SLC17A6: variants seen among roughly 807,000 people sequenced by gnomAD.
SLC17A6 encodes vesicular glutamate transporter 2.
SLC17A6 carries 35 observed loss-of-function variants against 67.1 expected under a neutral mutation model. The ratio of observed to expected loss-of-function variants is 0.52; its 90% CI spans 0.40 to 0.69. The LOEUF (loss-of-function observed/expected upper bound fraction) is 0.69, where lower values mean the gene tolerates loss of function less well. SLC17A6 is among the 30% of genes least tolerant of loss of function. SLC17A6 has a pLI of 0.00. For synonymous variants in SLC17A6, 285 were observed against 252.3 expected (o/e 1.13, Z -1.23); for missense variants, 588 against 723.9 (o/e 0.81, Z 2.15).
chr11:22,360,345 G>T (rs1226202305), intron 4 of SLC17A6, among the ~76,000 whole-genome samples: 1 of 151,952 alleles, frequency 6.6e-6, no homozygotes, highest in Admixed American at 6.6e-5. Context: ...AGTGTAGGGA[G>T]AGCATTAGGG....
chr11:22,365,763 C>A, intron 7 of SLC17A6, 74 bp downstream of exon 7: 2 of 1,471,866 alleles, frequency 1.4e-6, no homozygotes, highest in South Asian at 1.4e-5. Context: ...AACTATCTTA[C>A]AAGTTCTTCC....
At chr11:22,354,288 T>C (rs1211328642) in intron 3 of SLC17A6, among the ~76,000 whole-genome samples, 2 of 152,124 alleles carry the variant, frequency 1.3e-5, no homozygotes, top group Admixed American at 6.5e-5. Flanking sequence ...TTCACCATGT[T>C]GGTCGGGCTG....
chr11:22,370,430 A>G (rs766421483), intron 8 of SLC17A6, among the ~76,000 whole-genome samples: 2 of 152,150 alleles, frequency 1.3e-5, no homozygotes, highest in Non-Finnish European at 2.9e-5. Flanking sequence ...TTCTGCCTTC[A>G]TGGAACTTAG....
intron 3 of SLC17A6, among the ~76,000 whole-genome samples, chr11:22,349,670 C>T (rs1240807499): frequency 6.6e-6 from 1 of 152,170 alleles, no homozygotes; most frequent in Non-Finnish European, 1.5e-5. Flanking sequence ...GATGCTCCTA[C>T]TGCCATATGC....
At chr11:22,339,961 C>G (rs1453454670) in intron 1 of SLC17A6, among the ~76,000 whole-genome samples, 2 of 151,814 alleles carry the variant, frequency 1.3e-5, no homozygotes, top group Non-Finnish European at 2.9e-5. Flanking sequence ...AAATAAATTG[C>G]AATGTTTTCT....
chr11:22,339,282 T>A (rs1855785391), intron 1 of SLC17A6, among the ~76,000 whole-genome samples: 1 of 150,434 alleles, frequency 6.6e-6, no homozygotes, highest in South Asian at 2.1e-4. Flanking sequence ...ATGTCTTCTG[T>A]ATTGAATGAA....
intron 3 of SLC17A6, among the ~76,000 whole-genome samples, chr11:22,350,978 A>G (rs753936716): frequency 2.6e-5 from 4 of 152,136 alleles, no homozygotes; most frequent in Non-Finnish European, 5.9e-5. Context: ...ATATTATATA[A>G]AACTTACTTT....
chr11:22,343,925 G>C (rs998084942), intron 3 of SLC17A6, among the ~76,000 whole-genome samples: 2 of 152,100 alleles, frequency 1.3e-5, no homozygotes, highest in African/African-American at 2.4e-5. Flanking sequence ...GGCGTTGGGG[G>C]AGCCCTCAGC....
intron 4 of SLC17A6, among the ~76,000 whole-genome samples, chr11:22,360,110 TAA>T (rs11406721): frequency 1.4e-5 from 2 of 142,310 alleles, no homozygotes; most frequent in Admixed American, 7.1e-5. Flanking sequence ...ATTAAGGCAC[TAA>T]AAAAAAAAAA....
intron 1 of SLC17A6, among the ~76,000 whole-genome samples, chr11:22,339,972 A>G (rs1271306351): frequency 6.6e-6 from 1 of 152,140 alleles, no homozygotes; most frequent in Non-Finnish European, 1.5e-5. Flanking sequence ...AATGTTTTCT[A>G]ACATTGTGAT....
intron 4 of SLC17A6, 110 bp downstream of exon 4, chr11:22,359,637 A>G: frequency 2.0e-6 from 1 of 506,094 alleles, no homozygotes; most frequent in East Asian, 3.5e-5. Flanking sequence ...TTGCATCTAA[A>G]TAGAGTTAAA....
At chr11:22,364,575 A>T (rs1330602179) in intron 6 of SLC17A6, among the ~76,000 whole-genome samples, 1 of 152,136 alleles carries the variant, frequency 6.6e-6, no homozygotes, top group East Asian at 1.9e-4. Flanking sequence ...TGCAATGTTC[A>T]GTAGTTAAAA....
chr11:22,368,634 G>A (rs981354282), intron 7 of SLC17A6, among the ~76,000 whole-genome samples: 2 of 151,884 alleles, frequency 1.3e-5, no homozygotes, highest in Admixed American at 1.3e-4. Context: ...TGCCCAACAG[G>A]GAAAAGTTCT....
chr11:22,365,443 C>A, intron 6 of SLC17A6, 104 bp from the exon 7 acceptor site: 1 of 1,289,496 alleles, frequency 7.8e-7, no homozygotes, highest in Non-Finnish European at 1.1e-6. Flanking sequence ...AGCTTGAATT[C>A]TTCTTTCTAA....
chr11:22,360,110 T>TAAA (rs11406721), intron 4 of SLC17A6, among the ~76,000 whole-genome samples: 17 of 142,314 alleles, frequency 1.2e-4, no homozygotes, highest in Admixed American at 2.8e-4. Context: ...ATTAAGGCAC[T>TAAA]AAAAAAAAAA....
intron 9 of SLC17A6, among the ~76,000 whole-genome samples, chr11:22,375,761 T>G (rs991903692): frequency 2.2e-4 from 33 of 152,194 alleles, no homozygotes; most frequent in African/African-American, 7.0e-4. Flanking sequence ...ATTACAGACA[T>G]GAGCCACCGC....
intron 8 of SLC17A6, 85 bp from the exon 9 acceptor site, chr11:22,374,670 A>G (rs1298454060): frequency 1.8e-6 from 2 of 1,139,798 alleles, no homozygotes; most frequent in Admixed American, 5.2e-5. Context: ...TAAAGATGTG[A>G]TGACAGATTC....
intron 7 of SLC17A6, among the ~76,000 whole-genome samples, chr11:22,368,278 T>G (rs1309657969): frequency 6.6e-6 from 1 of 152,052 alleles, no homozygotes; most frequent in Middle Eastern, 3.4e-3. Flanking sequence ...TCAAATTTAT[T>G]TTAAGCTGTT....
chr11:22,354,204 C>A lies in SLC17A6; in HGVS notation c.459-5209C>A, dbSNP rs572641198. On this transcript the variant is annotated intron_variant, in intron 3 of 11. Transcript: ENST00000263160. ...GTTCAAGTGATTCTCCTGCCTCAGC[C>A]TCCTGAGTAGCTGAGATTACAGGTG... Among the ~76,000 whole-genome samples the A allele has an allele frequency of 9.9e-4, 150 of 152,198 alleles. 1 individual carries two copies. The highest frequency in any genetic ancestry group is 1.6e-3 in the Non-Finnish European group (108 of 68,012).
Sources: allele counts gnomAD v4.1 joint callset (sites outside exome capture counted in the v4.1 genomes callset), GRCh38; gene constraint gnomAD v4.1.1; transcripts MANE v1.5; gene names NCBI Gene and HGNC (gene_info 2026-07-23, HGNC 2026-07-21).